STXBP5: variants seen among roughly 807,000 people sequenced by gnomAD.
The protein encoded by STXBP5 is syntaxin-binding protein 5.
Under a neutral mutation model 152.4 loss-of-function variants are expected in STXBP5, and 50 were observed. That is an observed-to-expected ratio of 0.33 (90% CI 0.26 to 0.42). STXBP5 has a LOEUF of 0.42. Ranked by LOEUF, STXBP5 falls within the 10% of genes least tolerant of loss-of-function variation. STXBP5 has a pLI of 1.00. For missense variants in STXBP5, 1,167 were observed against 1,388.6 expected (o/e 0.84, Z 2.54); for synonymous variants, 492 against 494.7 (o/e 0.99, Z 0.07).
intron 5 of STXBP5, among the ~76,000 whole-genome samples, chr6:147,261,178 T>C (rs572007946): frequency 3.9e-4 from 59 of 152,148 alleles, no homozygotes; most frequent in African/African-American, 1.3e-3. Context: ...TCATCAAATA[T>C]AATGTTTGCT....
rs377264663 is a variant in STXBP5 at position 147,373,722 on chromosome 6, A to G, written c.3082-9A>G. The G allele has an allele frequency of 6.2e-7, 1 of 1,605,556 alleles. No homozygotes were observed. Among genetic ancestry groups the G allele is most frequent in the African/African-American group, 1.3e-5 (1 of 74,656 alleles). On this transcript the variant is annotated splice_polypyrimidine_tract_variant and intron_variant, in intron 25 of 27. Coordinates refer to ENST00000321680, the MANE Select transcript of STXBP5 (RefSeq NM_001127715.4). Reference sequence around the variant, plus strand: ...ATTTCAACAGTGACAATTTGTTTTGATTTTAAAGGAAATGTTGGGTGAACT... The same window carrying G: ...ATTTCAACAGTGACAATTTGTTTTGGTTTTAAAGGAAATGTTGGGTGAACT...
At chr6:147,365,471 C>T (rs1378952952) in intron 25 of STXBP5, among the ~76,000 whole-genome samples, 5 of 152,090 alleles carry the variant, frequency 3.3e-5, no homozygotes, top group African/African-American at 9.7e-5. Context: ...TCACACTTTT[C>T]TGGGATCAAT....
rs557726702 is a variant in STXBP5 at position 147,230,293 on chromosome 6, G to A, written c.249-4957G>A. On this transcript the variant is annotated intron_variant, in intron 2 of 27. Transcript: ENST00000321680. ...TTTTATACGTGGAGATATTCGTAAG[G>A]AGGTTTTCTCAAAATTACAACTAGA... Among the ~76,000 whole-genome samples the A allele has an allele frequency of 8.6e-5, 13 of 151,942 alleles. 1 individual carries two copies. In the South Asian group the frequency reaches 2.7e-3, roughly 32 times the overall value.
chr6:147,210,959 A>G (rs1253319996), intron 2 of STXBP5, among the ~76,000 whole-genome samples: 1 of 152,172 alleles, frequency 6.6e-6, no homozygotes, highest in Non-Finnish European at 1.5e-5. Context: ...TGTAGCTAAT[A>G]CAAACTTTGA....
intron 23 of STXBP5, among the ~76,000 whole-genome samples, chr6:147,360,958 C>A (rs1472874066): frequency 6.6e-6 from 1 of 152,096 alleles, no homozygotes; most frequent in Non-Finnish European, 1.5e-5. Flanking sequence ...TCTGAGCCAT[C>A]TTTACATTAA....
At chr6:147,251,094 A>C (rs1484275011) in intron 4 of STXBP5, among the ~76,000 whole-genome samples, 1 of 152,240 alleles carries the variant, frequency 6.6e-6, no homozygotes, top group Admixed American at 6.5e-5. Context: ...TACCCAGCTC[A>C]TCTCATTGGG....
chr6:147,353,602 C>A (rs1382023998), intron 22 of STXBP5, among the ~76,000 whole-genome samples: 1 of 152,010 alleles, frequency 6.6e-6, no homozygotes, highest in Non-Finnish European at 1.5e-5. Context: ...TTTCTTAGCC[C>A]TCTCATAGTT....
intron 4 of STXBP5, among the ~76,000 whole-genome samples, chr6:147,241,855 A>G (rs910886536): frequency 6.6e-6 from 1 of 152,230 alleles, no homozygotes; most frequent in African/African-American, 2.4e-5. Flanking sequence ...GTCTAAAAGT[A>G]TAGCACATAT....
At chr6:147,328,604 C>G in intron 18 of STXBP5, 2 of 350,040 alleles carry the variant, frequency 5.7e-6, no homozygotes, top group South Asian at 4.5e-5. Flanking sequence ...ATCATTTTGT[C>G]ATGTAATATC....
intron 2 of STXBP5, among the ~76,000 whole-genome samples, chr6:147,232,561 C>T (rs918852683): frequency 2.0e-5 from 3 of 151,754 alleles, no homozygotes; most frequent in Non-Finnish European, 4.4e-5. Context: ...TATAATAATA[C>T]TGCCTTATTT....
chr6:147,294,790 TAGAG>T (rs1236296280), intron 9 of STXBP5, among the ~76,000 whole-genome samples: 2 of 152,316 alleles, frequency 1.3e-5, no homozygotes, highest in Non-Finnish European at 2.9e-5. Flanking sequence ...GAATAGGAAA[TAGAG>T]AGCACTGCAT....
intron 21 of STXBP5, 90 bp from the exon 22 acceptor site, chr6:147,353,233 T>C: frequency 1.3e-6 from 1 of 755,588 alleles, no homozygotes; most frequent in Non-Finnish European, 2.1e-6. Flanking sequence ...GATTTAGTAA[T>C]AAAAGTATTC....
chr6:147,267,754 G>A (rs565027495), intron 7 of STXBP5, among the ~76,000 whole-genome samples: 3 of 151,888 alleles, frequency 2.0e-5, no homozygotes, highest in South Asian at 2.1e-4. Context: ...ATCAAATGCC[G>A]GTTTATTTTT....
intron 17 of STXBP5, among the ~76,000 whole-genome samples, chr6:147,326,277 G>A (rs796119709): frequency 3.9e-5 from 6 of 152,280 alleles, no homozygotes; most frequent in African/African-American, 1.4e-4. Flanking sequence ...GAACCAATAG[G>A]AAGTTTCAAA....
At chr6:147,301,566 A>G (rs963574193) in intron 9 of STXBP5, among the ~76,000 whole-genome samples, 30 of 152,122 alleles carry the variant, frequency 2.0e-4, no homozygotes, top group Non-Finnish European at 4.4e-5. Flanking sequence ...TTGCTTTATC[A>G]CTGTCTTCAG....
intron 1 of STXBP5, among the ~76,000 whole-genome samples, chr6:147,205,237 G>A (rs1471524126): frequency 6.6e-6 from 1 of 152,046 alleles, no homozygotes; most frequent in African/African-American, 2.4e-5. Context: ...ATAGCGTTCT[G>A]TAATTCAGAA....
At chr6:147,252,380 C>T (rs192390376) in intron 4 of STXBP5, among the ~76,000 whole-genome samples, 2 of 152,126 alleles carry the variant, frequency 1.3e-5, no homozygotes, top group Admixed American at 1.3e-4. Context: ...TAGCGAAGAA[C>T]ATAAATGACC....
intron 7 of STXBP5, among the ~76,000 whole-genome samples, chr6:147,276,714 T>G (rs1345644290): frequency 1.3e-5 from 2 of 152,092 alleles, no homozygotes; most frequent in Non-Finnish European, 2.9e-5. Flanking sequence ...TAAAATTGAG[T>G]TTTCAAAATG....
intron 19 of STXBP5, among the ~76,000 whole-genome samples, chr6:147,336,056 A>G (rs1043768982): frequency 1.3e-5 from 2 of 152,204 alleles, no homozygotes; most frequent in Non-Finnish European, 2.9e-5. Flanking sequence ...AGATATAGAA[A>G]CCTTTGTTTA....
Sources: gnomAD v4.1 joint callset for allele counts (sites outside exome capture counted in the v4.1 genomes callset) on GRCh38, gnomAD v4.1.1 for gene constraint, MANE v1.5 for transcripts, NCBI Gene and HGNC (gene_info 2026-07-23, HGNC 2026-07-21) for gene names.